The following CRYL1 variants were observed in gnomAD, a reference collection of about 807,000 sequenced individuals.
CRYL1 encodes the protein lambda-crystallin homolog.
In CRYL1, 29 loss-of-function variants were observed where a neutral mutation model predicts 36.6. The ratio of observed to expected loss-of-function variants is 0.79; its 90% CI spans 0.59 to 1.08. The LOEUF (loss-of-function observed/expected upper bound fraction) is 1.08. CRYL1 is among the 50% of genes least tolerant of loss of function. The pLI is 0.00. For synonymous variants in CRYL1, 152 were observed against 151.5 expected (o/e 1.00, Z -0.02); for missense variants, 411 against 407.9 (o/e 1.01, Z -0.06).
At chr13:20,472,103 C>T (rs1342576253) in intron 3 of CRYL1, among the ~76,000 whole-genome samples, 1 of 152,060 alleles carries the variant, frequency 6.6e-6, no homozygotes, top group African/African-American at 2.4e-5. Context: ...TCAGGTGATC[C>T]ACCCGCCTTA....
intron 3 of CRYL1, among the ~76,000 whole-genome samples, chr13:20,464,433 G>C (rs2032892166): frequency 6.6e-6 from 1 of 152,078 alleles, no homozygotes; most frequent in Non-Finnish European, 1.5e-5. Context: ...AAAATTTAAA[G>C]CATACAAAAT....
At chr13:20,416,934 A>C (rs150869256) in intron 5 of CRYL1, among the ~76,000 whole-genome samples, 1 of 152,180 alleles carries the variant, frequency 6.6e-6, no homozygotes. Context: ...GTCTTCCATC[A>C]GTCACTATTC....
At chr13:20,421,066 A>AAAC (rs1491525912) in intron 5 of CRYL1, among the ~76,000 whole-genome samples, 1 of 286 alleles carries the variant, frequency 3.5e-3, no homozygotes, top group Non-Finnish European at 0.5. Context: ...ACAAACAAAC[A>AAAC]AAAAAAAAAA....
chr13:20,430,162 C>A (rs1310046200), intron 5 of CRYL1: 11 of 982,574 alleles, frequency 1.1e-5, no homozygotes, highest in Admixed American at 6.1e-5. Flanking sequence ...TGCCTTGGGC[C>A]CCACTACCTG....
Position 20,514,760 on chromosome 13 carries a change from G to A in CRYL1, c.42-2210C>T, listed in dbSNP as rs117978990. 3.4e-4 allele frequency among the ~76,000 whole-genome samples: 52 copies of A among 152,248 alleles called. 1 individual carries two copies. In the East Asian group the frequency reaches 8.1e-3, roughly 24 times the overall value. ...ATGTTAATAATAGGGGAAATTTGGT[G>A]AGATGACATATGAAAACTCTCTATA... On this transcript the variant is annotated intron_variant, in intron 1 of 7. Transcript: ENST00000298248.
intron 1 of CRYL1, among the ~76,000 whole-genome samples, chr13:20,523,567 G>A (rs1230437317): frequency 6.6e-6 from 1 of 152,126 alleles, no homozygotes; most frequent in Non-Finnish European, 1.5e-5. Flanking sequence ...CATTCCCCAA[G>A]CCCTATTTGT....
chr13:20,437,952 C>T (rs944285259), intron 4 of CRYL1, among the ~76,000 whole-genome samples: 11 of 152,144 alleles, frequency 7.2e-5, no homozygotes, highest in African/African-American at 2.7e-4. Context: ...GCTGAGGTCT[C>T]CAGGAGCCCT....
Position 20,432,291 on chromosome 13 carries a change from A to T in CRYL1, c.444T>A (p.Asn148Lys). ...VKQCIVAHPV[N>K]PPYYIPLVEL... ...CAACCAGCGGGATGTAGTATGGCGGATTCACCTTAGGAGAGAGAGAGAAGT... is the reference window on the plus strand; with the variant it reads ...CAACCAGCGGGATGTAGTATGGCGGTTTCACCTTAGGAGAGAGAGAGAAGT... Residue 148 changes from asparagine (N) to lysine (K), a missense_variant, in exon 5 of 8, where the codon AAT (asparagine) becomes AAA (lysine). Coordinates refer to ENST00000298248, the MANE Select transcript of CRYL1 (RefSeq NM_015974.3). 3 of 1,610,440 alleles carry T rather than the reference A, an allele frequency of 1.9e-6. No homozygotes were observed. The highest frequency in any genetic ancestry group is 2.5e-6 in the Non-Finnish European group (3 of 1,177,608).
chr13:20,429,683 T>C (rs978948731), intron 5 of CRYL1, among the ~76,000 whole-genome samples: 6 of 152,234 alleles, frequency 3.9e-5, no homozygotes, highest in Admixed American at 2.6e-4. Flanking sequence ...CAGAGTCTTA[T>C]GGAATACAGG....
intron 3 of CRYL1, among the ~76,000 whole-genome samples, chr13:20,459,516 G>A (rs2032764544): frequency 6.6e-6 from 1 of 152,174 alleles, no homozygotes; most frequent in Non-Finnish European, 1.5e-5. Flanking sequence ...ATACTATGCA[G>A]CCATAAAAAA....
chr13:20,445,127 G>A (rs2032427439), intron 3 of CRYL1, among the ~76,000 whole-genome samples: 1 of 152,184 alleles, frequency 6.6e-6, no homozygotes, highest in Non-Finnish European at 1.5e-5. Flanking sequence ...AAGTTTATGT[G>A]AAGGACATCA....
chr13:20,492,253 T>C (rs2033526886), intron 2 of CRYL1, among the ~76,000 whole-genome samples: 1 of 152,210 alleles, frequency 6.6e-6, no homozygotes, highest in South Asian at 2.1e-4. Flanking sequence ...GTTACACAAC[T>C]CTGTAAACAT....
In CRYL1 at chr13:20,481,201, G is replaced by A. The variant is rs1383154807; in HGVS notation, c.276+8169C>T. On this transcript the variant is annotated intron_variant, in intron 3 of 7. Coordinates refer to ENST00000298248, the MANE Select transcript of CRYL1 (RefSeq NM_015974.3). The surrounding 1 kb of genome is among the most constrained non-coding windows in gnomAD (Gnocchi z 4.1). ...TCCAGATGATCTCGTGAGTGTGTGA[G>A]GTGGGCTTGCCCCAGTCCATCCAGA... Among the ~76,000 whole-genome samples, 1 of 152,192 alleles carries A rather than the reference G, an allele frequency of 6.6e-6. No individual in the cohort carries two copies. The highest frequency in any genetic ancestry group is 2.4e-5 in the African/African-American group (1 of 41,448).
intron 2 of CRYL1, among the ~76,000 whole-genome samples, chr13:20,493,676 AAGAAGG>A (rs903539349): frequency 2.0e-4 from 30 of 152,250 alleles, no homozygotes; most frequent in African/African-American, 5.5e-4. Flanking sequence ...AAGAAGAAGA[AAGAAGG>A]AGAAGGAGAA....
At chr13:20,447,899 C>G (rs11617869) in intron 3 of CRYL1, among the ~76,000 whole-genome samples, 38,087 of 152,018 alleles carry the variant, frequency 0.25, 5,356 homozygotes, top group Non-Finnish European at 0.32. Flanking sequence ...TATCTACTCT[C>G]CTATTCAGGT....
chr13:20,497,407 C>CACACACAACTACACACACCACAT (rs2033627938), intron 2 of CRYL1, among the ~76,000 whole-genome samples: 1 of 11,668 alleles, frequency 8.6e-5, no homozygotes, highest in African/African-American at 1.6e-4. Context: ...CACACCACCA[C>CACACACAACTACACACACCACAT]ACACACAACT....
chr13:20,454,424 T>G (rs1056392220), intron 3 of CRYL1, among the ~76,000 whole-genome samples: 53 of 151,294 alleles, frequency 3.5e-4, no homozygotes, highest in South Asian at 8.3e-4. Flanking sequence ...TGTTTGTTTT[T>G]TTTTTTTTTT....
chr13:20,416,853 G>A lies in CRYL1; in HGVS notation c.634-3466C>T, dbSNP rs557095189. 2.6e-5 allele frequency among the ~76,000 whole-genome samples: 4 copies of A among 152,240 alleles called. No individual in the cohort carries two copies. In the East Asian group the frequency reaches 7.7e-4, roughly 29 times the overall value. ...GGTTCTCCATGCTGCCCCATGACCT[G>A]GGAGGAACCACATTCCCTCCAACTC... On this transcript the variant is annotated intron_variant, in intron 5 of 7. Coordinates refer to ENST00000298248, the MANE Select transcript of CRYL1 (RefSeq NM_015974.3).
chr13:20,424,663 G>GA (rs2137379915), intron 5 of CRYL1, among the ~76,000 whole-genome samples: 2 of 152,312 alleles, frequency 1.3e-5, no homozygotes, highest in East Asian at 3.9e-4. Context: ...ACCGGTCACA[G>GA]AAGAAGCCTG....
Sources: gnomAD v4.1 joint callset for allele counts (sites outside exome capture counted in the v4.1 genomes callset) on GRCh38, gnomAD v4.1.1 for gene constraint, Gnocchi (gnomAD v3.1) non-coding constraint, MANE v1.5 for transcripts, NCBI Gene and HGNC (gene_info 2026-07-23, HGNC 2026-07-21) for gene names.